The following CRACD variants were observed in gnomAD, a reference collection of about 807,000 sequenced individuals.
CRACD encodes capping protein-inhibiting regulator of actin dynamics.
In CRACD, 56 loss-of-function variants were observed where a neutral mutation model predicts 106.8. The ratio of observed to expected loss-of-function variants is 0.52; its 90% confidence interval spans 0.42 to 0.66. The LOEUF is 0.66. CRACD is among the 30% of genes least tolerant of loss of function. CRACD has a pLI of 0.00. For synonymous variants in CRACD, 754 were observed against 670.8 expected (o/e 1.12, Z -1.92); for missense variants, 1,730 against 1,623.2 (o/e 1.07, Z -1.13).
At chr4:56,212,008 CA>C (rs1185365729) in intron 2 of CRACD, among the ~76,000 whole-genome samples, 2 of 152,002 alleles carry the variant, frequency 1.3e-5, no homozygotes, top group African/African-American at 4.8e-5. Flanking sequence ...GCTGTATCCC[CA>C]GGAGGCTATT....
At chr4:56,253,955 A>G (rs2109595098) in intron 2 of CRACD, among the ~76,000 whole-genome samples, 1 of 152,352 alleles carries the variant, frequency 6.6e-6, no homozygotes, top group South Asian at 2.1e-4. Flanking sequence ...TCAAAGAGGC[A>G]ATACATCAAG....
At chr4:56,068,198 C>G (rs1732524575) in intron 1 of CRACD, among the ~76,000 whole-genome samples, 1 of 152,244 alleles carries the variant, frequency 6.6e-6, no homozygotes, top group South Asian at 2.1e-4. Flanking sequence ...GACATTCGAA[C>G]AAAGAGCTGC....
At position 56,049,318 on chromosome 4, in the gene CRACD, C is replaced by A. The variant is rs977036828; in HGVS notation, c.-336+19C>A. 1 of 151,702 alleles carries A rather than the reference C, an allele frequency of 6.6e-6. No individual in the cohort carries two copies. Among genetic ancestry groups the A allele is most frequent in the African/African-American group, 2.4e-5 (1 of 41,372 alleles). 9.4% of individuals were successfully genotyped at this position (151,702 alleles called of 1,614,324 possible). ...ACCTCAGGTGAGCGCCTGCTCGGCC[C>A]GCGGCCGGAGCCAGACAATGGGGAC... On this transcript the variant is annotated intron_variant, in intron 1 of 10. Coordinates refer to ENST00000682029, the MANE Select transcript of CRACD (RefSeq NM_001393381.1).
At chr4:56,213,371 G>A (rs374998236) in intron 2 of CRACD, among the ~76,000 whole-genome samples, 110 of 152,234 alleles carry the variant, frequency 7.2e-4, no homozygotes, top group African/African-American at 2.1e-3. Context: ...GCTTGAACCC[G>A]GGAGGCAGAG....
intron 2 of CRACD, among the ~76,000 whole-genome samples, chr4:56,204,406 A>G (rs547750445): frequency 6.6e-6 from 1 of 152,348 alleles, no homozygotes; most frequent in Non-Finnish European, 1.5e-5. Flanking sequence ...GCATCTGATG[A>G]GGGCCTTCCT....
At chr4:56,123,751 CT>C (rs1734567828) in intron 1 of CRACD, among the ~76,000 whole-genome samples, 1 of 151,882 alleles carries the variant, frequency 6.6e-6, no homozygotes, top group Non-Finnish European at 1.5e-5. Context: ...AGTACCCCCC[CT>C]ACACTGTCCA....
At chr4:56,061,253 C>G (rs1448769308) in intron 1 of CRACD, among the ~76,000 whole-genome samples, 1 of 152,204 alleles carries the variant, frequency 6.6e-6, no homozygotes, top group Non-Finnish European at 1.5e-5. Context: ...GCACGGCAGC[C>G]TCGACCTCCG....
intron 1 of CRACD, among the ~76,000 whole-genome samples, chr4:56,141,841 G>A (rs550840198): frequency 2.0e-5 from 3 of 151,426 alleles, no homozygotes; most frequent in South Asian, 2.1e-4. Context: ...CTGCAGGCAC[G>A]CGCCACCATG....
intron 2 of CRACD, among the ~76,000 whole-genome samples, chr4:56,203,488 A>G (rs1354034467): frequency 2.0e-5 from 3 of 152,196 alleles, no homozygotes; most frequent in African/African-American, 7.2e-5. Context: ...ATCAGTCCAT[A>G]GATTACAGGC....
At chr4:56,188,887 A>G (rs528528393) in intron 2 of CRACD, among the ~76,000 whole-genome samples, 5 of 147,158 alleles carry the variant, frequency 3.4e-5, no homozygotes, top group African/African-American at 1.3e-4. Context: ...CTAAACCATA[A>G]TGGGCTGGGT....
At chr4:56,319,322 T>C (rs13132553) in intron 8 of CRACD, among the ~76,000 whole-genome samples, 55,444 of 152,094 alleles carry the variant, frequency 0.36, 10,593 homozygotes, top group Non-Finnish European at 0.43. Context: ...AGCTTGATTT[T>C]GGCCAGACGT....
At chr4:56,128,597 G>A (rs1734728383) in intron 1 of CRACD, among the ~76,000 whole-genome samples, 1 of 152,134 alleles carries the variant, frequency 6.6e-6, no homozygotes, top group Non-Finnish European at 1.5e-5. Context: ...TTATGAAATT[G>A]ATGGATAAAT....
At chr4:56,219,962 C>T (rs1432912583) in intron 2 of CRACD, among the ~76,000 whole-genome samples, 8 of 151,862 alleles carry the variant, frequency 5.3e-5, no homozygotes, top group Non-Finnish European at 1.2e-4. Flanking sequence ...ATACTGCAGG[C>T]AGATAATATG....
At chr4:56,098,804 G>T (rs1733679411) in intron 1 of CRACD, among the ~76,000 whole-genome samples, 1 of 152,226 alleles carries the variant, frequency 6.6e-6, no homozygotes, top group East Asian at 1.9e-4. Flanking sequence ...CAATTCTCGT[G>T]CCTCAGCCTC....
At chr4:56,195,939 G>A (rs1022682798) in intron 2 of CRACD, among the ~76,000 whole-genome samples, 2 of 152,124 alleles carry the variant, frequency 1.3e-5, no homozygotes, top group Non-Finnish European at 1.5e-5. Context: ...TTTTTCTTAC[G>A]CATAGTTTAG....
intron 3 of CRACD, among the ~76,000 whole-genome samples, chr4:56,284,445 C>T (rs1051386671): frequency 6.6e-5 from 10 of 151,928 alleles, no homozygotes; most frequent in African/African-American, 2.4e-4. Context: ...ATCACATTGG[C>T]CAGGCATGGT....
At chr4:56,234,371 G>A (rs1739834727) in intron 2 of CRACD, among the ~76,000 whole-genome samples, 1 of 152,078 alleles carries the variant, frequency 6.6e-6, no homozygotes, top group Non-Finnish European at 1.5e-5. Flanking sequence ...ATAATGTGAA[G>A]GTTCATCCAT....
intron 1 of CRACD, among the ~76,000 whole-genome samples, chr4:56,054,367 G>A (rs1452763821): frequency 6.6e-6 from 1 of 151,984 alleles, no homozygotes; most frequent in Admixed American, 6.6e-5. Context: ...GTAGAGATGT[G>A]GTCTCTCTCT....
In CRACD at chr4:56,314,880, C is replaced by G. The variant is rs763762690; in HGVS notation, c.1378C>G (p.Arg460Gly). The G allele has an allele frequency of 5.0e-6, 8 of 1,611,074 alleles. No homozygotes were observed. In the Admixed American group the frequency reaches 6.7e-5, roughly 14 times the overall value. The change falls in exon 8 of 11, where the codon CGG becomes GGG. Residue 460 changes from arginine (R) to glycine (G), a missense_variant. Physicochemically the swap from Arg to Gly is moderately radical, Grantham distance 125. Coordinates refer to ENST00000682029, the MANE Select transcript of CRACD (RefSeq NM_001393381.1). This position sits in a 1 kb window ranked among gnomAD's most constrained non-coding sequence, Gnocchi z 4.4. ...CGAGGAGCAGAACCCAGAGGCCGAG[C>G]GGCGAAGAGAGCAGCAGGGAAGGAG... The part of the protein sequence containing the change: ...ICEEQNPEAE[R>G]RREQQGRSGD...
Sources: gnomAD v4.1 joint callset for allele counts (sites outside exome capture counted in the v4.1 genomes callset) on GRCh38, gnomAD v4.1.1 for gene constraint, Gnocchi (gnomAD v3.1) non-coding constraint, MANE v1.5 for transcripts, NCBI Gene and HGNC (gene_info 2026-07-23, HGNC 2026-07-21) for gene names.